PSAT1: variants seen among roughly 807,000 people sequenced by gnomAD.
The protein encoded by PSAT1 is phosphoserine aminotransferase 1.
In PSAT1, 41 loss-of-function variants were observed where a neutral mutation model predicts 40.3. The ratio of observed to expected loss-of-function variants is 1.02; its 90% CI spans 0.79 to 1.32. The LOEUF (loss-of-function observed/expected upper bound fraction) is 1.32, where lower values mean the gene tolerates loss of function less well. Among genes scored for constraint, PSAT1 ranks in the 40% most tolerant of loss-of-function variants. The probability of loss-of-function intolerance (pLI) is 0.00; values close to 1 mark genes in which losing one functional copy is unlikely to be tolerated. For synonymous variants in PSAT1, 147 were observed against 170.5 expected, an observed-to-expected ratio of 0.86 and a Z score of 1.07; for missense variants, 406 against 455.8, an observed-to-expected ratio of 0.89 and a Z score of 0.99.
chr9:78,327,698 C>T (rs1828521447), intron 7 of PSAT1, among the ~76,000 whole-genome samples: 1 of 152,180 alleles, frequency 6.6e-6, no homozygotes. Flanking sequence ...AGGTCACTCA[C>T]ATTTGCCGTG....
chr9:78,329,076 A>C lies in PSAT1; in HGVS notation c.1103A>C (p.His368Pro). 6.2e-7 allele frequency: 1 copy of C among 1,608,774 alleles called. No homozygotes were observed. The highest frequency in any genetic ancestry group is 8.5e-7 in the Non-Finnish European group (1 of 1,176,638). The change falls in exon 9 of 9, where the codon CAT (histidine) becomes CCT (proline). Residue 368 changes from histidine to proline, a missense_variant. Physicochemically the swap from His to Pro is moderately conservative, Grantham distance 77 (BLOSUM62 -2). Coordinates refer to ENST00000376588, the MANE Select transcript of PSAT1 (RefSeq NM_058179.4). Reference sequence around the variant, plus strand: ...TTCATGAAAAAATTTTTGGAGATGCATCAGCTATGAACACATCCTAACCAG... The same window carrying C: ...TTCATGAAAAAATTTTTGGAGATGCCTCAGCTATGAACACATCCTAACCAG... ...AAFMKKFLEM[H>P]QL is the part of the protein sequence containing the mutation.
chr9:78,329,317 G>T lies in PSAT1; in HGVS notation c.*231G>T. On this transcript the variant is annotated 3_prime_UTR_variant, in exon 9 of 9. Coordinates refer to ENST00000376588, the MANE Select transcript of PSAT1 (RefSeq NM_058179.4). Reference sequence around the variant, plus strand: ...TGGAAGCATTTTAAGAAATCTTGTTGCTTTTCTAACAAATTCCCGCGTATT... The same window carrying T: ...TGGAAGCATTTTAAGAAATCTTGTTTCTTTTCTAACAAATTCCCGCGTATT... 1 of 529,280 alleles carries T rather than the reference G, an allele frequency of 1.9e-6. No homozygotes were observed. Among genetic ancestry groups the T allele is most frequent in the Non-Finnish European group, 3.4e-6 (1 of 294,926 alleles). The allele number at this position is 529,280 out of a possible 1,614,324, so 32.8% of individuals were successfully genotyped here. A position where few individuals can be genotyped will look rare whatever the true frequency, so the allele number is the denominator to read the frequency against.
At chr9:78,308,318 TA>T in intron 5 of PSAT1, 95 bp from the exon 6 acceptor site, 6 of 1,409,502 alleles carry the variant, frequency 4.3e-6, no homozygotes, top group Non-Finnish European at 6.0e-6. Context: ...GTCATTTCCT[TA>T]AAAAAATTGT....
chr9:78,317,537 C>A, intron 6 of PSAT1, 139 bp from the exon 7 acceptor site: 1 of 1,060,946 alleles, frequency 9.4e-7, no homozygotes, highest in Non-Finnish European at 1.4e-6. Context: ...GGGCGTGAGC[C>A]ACTGCATTTG....
chr9:78,327,295 G>A (rs1351810198), intron 7 of PSAT1, among the ~76,000 whole-genome samples: 1 of 152,122 alleles, frequency 6.6e-6, no homozygotes, highest in East Asian at 1.9e-4. Flanking sequence ...GGGAGGAGAG[G>A]CTGTAAGGTC....
In PSAT1 at chr9:78,297,214, G is replaced by A. The variant is rs547331710; in HGVS notation, c.4G>A (p.Asp2Asn). The change falls in exon 1 of 9, where the codon GAC (aspartate) becomes AAC (asparagine). Residue 2 changes from aspartate (D) to asparagine (N), a missense_variant. Coordinates refer to ENST00000376588, the MANE Select transcript of PSAT1 (RefSeq NM_058179.4). M[D>N]APRQVVNFGP... is the part of the protein sequence containing the mutation. ...TCACCGCCCTGGCCGCCGCACCATG[G>A]ACGCCCCCAGGCAGGTGGTCAACTT... 6.9e-6 allele frequency: 11 copies of A among 1,600,868 alleles called. No individual in the cohort carries two copies. The highest frequency in any genetic ancestry group is 8.5e-6 in the Non-Finnish European group (10 of 1,177,742).
At chr9:78,314,670 G>A (rs146200060) in intron 6 of PSAT1, among the ~76,000 whole-genome samples, 1 of 152,264 alleles carries the variant, frequency 6.6e-6, no homozygotes, top group Non-Finnish European at 1.5e-5. Context: ...TGAGCTTTCT[G>A]CTGGCCTTGC....
At chr9:78,312,859 T>G (rs1044692685) in intron 6 of PSAT1, among the ~76,000 whole-genome samples, 28 of 152,296 alleles carry the variant, frequency 1.8e-4, no homozygotes, top group Non-Finnish European at 2.9e-4. Context: ...GAGCCAGTTT[T>G]GGGAGCTTTC....
intron 2 of PSAT1, 80 bp downstream of exon 2, chr9:78,300,742 G>GTCCTGC: frequency 6.9e-7 from 1 of 1,446,494 alleles, no homozygotes. Context: ...TAGAGGCAGG[G>GTCCTGC]TCCTGCTCTG....
intron 4 of PSAT1, 99 bp from the exon 5 acceptor site, chr9:78,306,215 C>T: frequency 4.6e-6 from 6 of 1,316,788 alleles, no homozygotes; most frequent in Non-Finnish European, 6.6e-6. Flanking sequence ...TAGTCTTTCC[C>T]TGCTAGGGGA....
intron 1 of PSAT1, chr9:78,298,534 G>T (rs1587630975): frequency 1.4e-6 from 1 of 722,076 alleles, no homozygotes. Flanking sequence ...CCCTGCTCCA[G>T]CTGTGGAGAT....
intron 7 of PSAT1, among the ~76,000 whole-genome samples, chr9:78,323,826 C>T (rs1308742286): frequency 6.6e-6 from 1 of 152,086 alleles, no homozygotes; most frequent in Non-Finnish European, 1.5e-5. Flanking sequence ...GTTGACAAAA[C>T]CAGGCAGTAA....
chr9:78,308,353 T>G, intron 5 of PSAT1, 61 bp from the exon 6 acceptor site: 10 of 1,568,254 alleles, frequency 6.4e-6, no homozygotes, highest in African/African-American at 1.4e-5. Context: ...TTGGGAAGTT[T>G]GCATACATGT....
intron 7 of PSAT1, among the ~76,000 whole-genome samples, chr9:78,327,620 C>T (rs974849354): frequency 2.0e-5 from 3 of 152,066 alleles, no homozygotes; most frequent in African/African-American, 7.2e-5. Context: ...GAAGTTGCTG[C>T]TCATTATTTT....
intron 7 of PSAT1, among the ~76,000 whole-genome samples, chr9:78,327,567 AG>A (rs2118713262): frequency 6.6e-6 from 1 of 152,302 alleles, no homozygotes; most frequent in Non-Finnish European, 1.5e-5. Flanking sequence ...TAACTTGCTC[AG>A]GGTCACACAG....
intron 6 of PSAT1, among the ~76,000 whole-genome samples, 187 bp from the exon 7 acceptor site, chr9:78,317,489 G>A (rs980776394): frequency 2.0e-5 from 3 of 152,210 alleles, no homozygotes; most frequent in Admixed American, 1.3e-4. Flanking sequence ...GGCTTCAAGC[G>A]ATCCTTCGGC....
At chr9:78,300,744 C>T in intron 2 of PSAT1, 82 bp downstream of exon 2, 6 of 1,400,292 alleles carry the variant, frequency 4.3e-6, no homozygotes, top group Non-Finnish European at 5.5e-6. Flanking sequence ...GAGGCAGGGT[C>T]CTGCTCTGTC....
rs1160826046 is a variant in PSAT1 at position 78,297,165 on chromosome 9, C to A, written c.-46C>A. 6.4e-7 allele frequency: 1 copy of A among 1,558,326 alleles called. No homozygotes were observed. ...AGCGGCCAGGAACGCCAGCCGTTCA[C>A]GCGTTCGGTCCTCCTTGGCTGACTC... On this transcript the variant is annotated 5_prime_UTR_variant, in exon 1 of 9. Coordinates refer to ENST00000376588, the MANE Select transcript of PSAT1 (RefSeq NM_058179.4).
chr9:78,328,636 C>T (rs1303967117), intron 8 of PSAT1, among the ~76,000 whole-genome samples: 3 of 151,820 alleles, frequency 2.0e-5, no homozygotes, highest in Non-Finnish European at 4.4e-5. Context: ...AGCCCAGCCC[C>T]GATCTTGCTG....
Sources: gnomAD v4.1 joint callset for allele counts (sites outside exome capture counted in the v4.1 genomes callset) on GRCh38, gnomAD v4.1.1 for gene constraint, MANE v1.5 for transcripts, NCBI Gene and HGNC (gene_info 2026-07-23, HGNC 2026-07-21) for gene names.